The following TRPM2 variants were observed in gnomAD, a reference collection of about 807,000 sequenced individuals.
The protein encoded by TRPM2 is transient receptor potential cation channel subfamily M member 2.
Under a neutral mutation model 174.0 loss-of-function variants are expected in TRPM2, and 161 were observed. The ratio of observed to expected loss-of-function variants is 0.93; its 90% CI spans 0.81 to 1.05. TRPM2 has a LOEUF of 1.05. TRPM2 is among the 50% of genes least tolerant of loss of function. The pLI is 0.00. For synonymous variants in TRPM2, 954 were observed against 861.3 expected (o/e 1.11, Z -1.88); for missense variants, 2,057 against 2,038.0 (o/e 1.01, Z -0.18).
chr21:44,434,017 G>A (rs535414352), intron 27 of TRPM2, among the ~76,000 whole-genome samples: 15 of 152,256 alleles, frequency 9.9e-5, no homozygotes, highest in African/African-American at 2.6e-4. Flanking sequence ...GGTGGCCGCC[G>A]GTGCTAGAGG....
chr21:44,420,261 C>A (rs2050502845), intron 22 of TRPM2, among the ~76,000 whole-genome samples: 1 of 152,080 alleles, frequency 6.6e-6, no homozygotes, highest in Non-Finnish European at 1.5e-5. Context: ...CTCCACCCAC[C>A]CTGTCCCCAT....
chr21:44,406,852 G>T, intron 19 of TRPM2, 87 bp downstream of exon 19: 2 of 1,492,650 alleles, frequency 1.3e-6, no homozygotes, highest in Non-Finnish European at 1.8e-6. Flanking sequence ...TGGGAGTGAG[G>T]CCGGCTCCAT....
chr21:44,397,995 C>A, intron 13 of TRPM2, 119 bp downstream of exon 13: 1 of 1,268,270 alleles, frequency 7.9e-7, no homozygotes, highest in Non-Finnish European at 1.0e-6. Flanking sequence ...CGTCCCTGGG[C>A]CTCAGCCCTG....
chr21:44,359,995 C>T (rs1048613823), intron 2 of TRPM2, among the ~76,000 whole-genome samples: 12 of 152,058 alleles, frequency 7.9e-5, no homozygotes, highest in Admixed American at 7.9e-4. Flanking sequence ...ACCCGCCCAC[C>T]TCAGCCTCCC....
chr21:44,421,554 C>T (rs758222509), intron 22 of TRPM2, among the ~76,000 whole-genome samples: 3 of 151,866 alleles, frequency 2.0e-5, no homozygotes, highest in Non-Finnish European at 2.9e-5. Context: ...GAGGATTGCT[C>T]GAGCCCAGGA....
intron 27 of TRPM2, among the ~76,000 whole-genome samples, chr21:44,431,949 C>T (rs528093948): frequency 1.3e-5 from 2 of 152,256 alleles, no homozygotes; most frequent in East Asian, 3.9e-4. Flanking sequence ...ACACCTAACC[C>T]CTAACCTTAA....
intron 19 of TRPM2, among the ~76,000 whole-genome samples, chr21:44,407,226 C>G (rs1449385224): frequency 8.5e-6 from 1 of 117,436 alleles, no homozygotes; most frequent in Non-Finnish European, 1.7e-5. Context: ...CTCCTGCGCT[C>G]AAGTCCTCCT....
intron 19 of TRPM2, among the ~76,000 whole-genome samples, chr21:44,409,252 C>G (rs954818982): frequency 6.6e-6 from 1 of 152,140 alleles, no homozygotes; most frequent in African/African-American, 2.4e-5. Context: ...TGTTTTATAG[C>G]TTTCGCTTTT....
chr21:44,363,306 T>C (rs1025161137), intron 2 of TRPM2, among the ~76,000 whole-genome samples: 2 of 152,206 alleles, frequency 1.3e-5, no homozygotes, highest in Admixed American at 6.5e-5. Context: ...TATGATCTTT[T>C]GTTATAGTGC....
At chr21:44,368,434 T>A (rs1461747994) in intron 4 of TRPM2, among the ~76,000 whole-genome samples, 7 of 141,992 alleles carry the variant, frequency 4.9e-5, no homozygotes, top group Non-Finnish European at 4.6e-5. Context: ...ATTTTTTTGT[T>A]TTTTTTTTGG....
At chr21:44,407,093 C>A (rs74900910) in intron 19 of TRPM2, among the ~76,000 whole-genome samples, 1 of 142,864 alleles carries the variant, frequency 7.0e-6, no homozygotes, top group East Asian at 2.1e-4. Flanking sequence ...TCACCTCAAT[C>A]AGAAATAACT....
At position 44,414,080 on chromosome 21, in the gene TRPM2, C is replaced by A. The variant is rs758348993; in HGVS notation, c.3146+6C>A. 5.0e-6 allele frequency: 8 copies of A among 1,606,182 alleles called. No homozygotes were observed. Among genetic ancestry groups the A allele is most frequent in the Non-Finnish European group, 6.8e-6 (8 of 1,175,974 alleles). On this transcript the variant is annotated splice_donor_region_variant and intron_variant, in intron 20 of 31. Transcript: ENST00000397928. ...CTCCTCATCGCCATGTTCAAGTGAG[C>A]GCCTGGGTGGGGCTGGCGTGCAGGT...
At position 44,366,616 on chromosome 21, in the gene TRPM2, A is replaced by G. The variant is rs1259157141; in HGVS notation, c.424-138A>G. The G allele has an allele frequency of 3.6e-6, 4 of 1,101,678 alleles. No homozygotes were observed. In the Admixed American group the frequency reaches 6.4e-5, roughly 18 times the overall value. 68.2% of individuals were successfully genotyped at this position (1,101,678 alleles called of 1,614,324 possible). A position where few individuals can be genotyped will look rare whatever the true frequency, so the allele number is the denominator to read the frequency against. ...TGATCTGTGCCCTGCCCACATGGGG[A>G]CCCCTTTTCTGGGTCTGAGCCGGAA... On this transcript the variant is annotated intron_variant, in intron 3 of 31. Transcript: ENST00000397928. This position sits in a 1 kb window ranked among gnomAD's most constrained non-coding sequence, Gnocchi z 6.0.
At chr21:44,419,813 CAGT>C (rs1220099458) in intron 22 of TRPM2, among the ~76,000 whole-genome samples, 12 of 110,162 alleles carry the variant, frequency 1.1e-4, no homozygotes, top group Admixed American at 2.7e-4. Flanking sequence ...GTGATGTTGG[CAGT>C]GGTGGTGGTG....
At chr21:44,351,104 C>T (rs1182262756), upstream of TRPM2, among the ~76,000 whole-genome samples, 5 of 152,188 alleles carry the variant, frequency 3.3e-5, no homozygotes, top group East Asian at 9.6e-4. Flanking sequence ...CCCGCCCTGC[C>T]CAGACAGAAC....
intron 29 of TRPM2, 43 bp downstream of exon 29, chr21:44,437,210 G>A: frequency 6.6e-7 from 1 of 1,513,310 alleles, no homozygotes. Flanking sequence ...TGGGCTGTCT[G>A]TGGGTCACTC....
chr21:44,386,339 C>A (rs534387442), intron 9 of TRPM2, among the ~76,000 whole-genome samples: 39 of 152,050 alleles, frequency 2.6e-4, no homozygotes, highest in Non-Finnish European at 5.0e-4. Context: ...ACCCAGGAGG[C>A]AGAGCTTGCA....
Position 44,426,931 on chromosome 21 carries a change from G to C in TRPM2, c.3873-79G>C, listed in dbSNP as rs185156791. 6 of 1,447,714 alleles carry C rather than the reference G, an allele frequency of 4.1e-6. No individual in the cohort carries two copies. The African/African-American group carries it at 4.4e-5, about 11-fold the overall frequency. 89.7% of individuals were successfully genotyped at this position (1,447,714 alleles called of 1,614,324 possible). ...CAGCTACTCGGCTGGGCCCTTGGTG[G>C]GGGGGTGATCCCTCTGCCTGTCTGC... On this transcript the variant is annotated intron_variant, in intron 26 of 31. Transcript: ENST00000397928.
rs1407054103 is a variant in TRPM2 at position 44,376,405 on chromosome 21, C to T, written c.952+392C>T. Among the ~76,000 whole-genome samples the T allele has an allele frequency of 6.6e-6, 1 of 152,136 alleles. No homozygotes were observed. The highest frequency in any genetic ancestry group is 1.5e-5 in the Non-Finnish European group (1 of 68,024). ...TGTGTGCTCGCAGGTAATGGGCCAACCTACATTTTTTTTGGGACAGGGTCT... is the reference window on the plus strand; with the variant it reads ...TGTGTGCTCGCAGGTAATGGGCCAATCTACATTTTTTTTGGGACAGGGTCT... On this transcript the variant is annotated intron_variant, in intron 6 of 31. Coordinates refer to ENST00000397928, the MANE Select transcript of TRPM2 (RefSeq NM_003307.4). The surrounding 1 kb of genome is among the most constrained non-coding windows in gnomAD (Gnocchi z 4.2).
Sources: gnomAD v4.1 joint callset for allele counts (sites outside exome capture counted in the v4.1 genomes callset) on GRCh38, gnomAD v4.1.1 for gene constraint, Gnocchi (gnomAD v3.1) non-coding constraint, MANE v1.5 for transcripts, NCBI Gene and HGNC (gene_info 2026-07-23, HGNC 2026-07-21) for gene names.